Variants in CTSS observed in about 807,000 individuals in gnomAD.
CTSS encodes the protein cathepsin S.
In CTSS, 15 loss-of-function variants were observed where a neutral mutation model predicts 39.9. That is an observed-to-expected ratio of 0.38 (90% confidence interval 0.25 to 0.58). The LOEUF (loss-of-function observed/expected upper bound fraction) is 0.58, where lower values mean the gene tolerates loss of function less well. CTSS is among the 20% of genes least tolerant of loss of function. CTSS has a pLI of 0.70. For synonymous variants in CTSS, 126 were observed against 138.2 expected (o/e 0.91, Z 0.62); for missense variants, 250 against 398.2 (o/e 0.63, Z 3.17).
chr1:150,762,938 C>T lies in CTSS; in HGVS notation c.126+1700G>A, dbSNP rs77089247. On this transcript the variant is annotated intron_variant, in intron 2 of 7. Transcript: ENST00000368985. ...CTTCTGGGTATATGTCCCAAGGAAG[C>T]GCAATCAGTATGTCAATGAGATAGC... 7.2e-3 allele frequency among the ~76,000 whole-genome samples: 1,088 copies of T among 152,106 alleles called. 16 individuals carry two copies. The highest frequency in any genetic ancestry group is 0.022 in the African/African-American group (903 of 41,496).
intron 6 of CTSS, 61 bp from the exon 7 acceptor site, chr1:150,747,940 T>G: frequency 9.1e-7 from 1 of 1,097,814 alleles, no homozygotes; most frequent in Non-Finnish European, 1.4e-6. Flanking sequence ...AAGGGCATTT[T>G]AAAACGGTAT....
At chr1:150,750,279 C>A (rs748263522) in intron 5 of CTSS, 108 bp from the exon 6 acceptor site, 4 of 857,074 alleles carry the variant, frequency 4.7e-6, no homozygotes, top group African/African-American at 1.7e-5. Context: ...TTAACTTTTT[C>A]ATGTGTCTAA....
chr1:150,763,418 CAA>C (rs1391654808), intron 2 of CTSS, among the ~76,000 whole-genome samples: 1 of 151,950 alleles, frequency 6.6e-6, no homozygotes, highest in Admixed American at 6.6e-5. Flanking sequence ...TTTTATATGT[CAA>C]AATTACTGAA....
At chr1:150,741,361 C>T (rs1413846736) in intron 7 of CTSS, among the ~76,000 whole-genome samples, 1 of 151,718 alleles carries the variant, frequency 6.6e-6, no homozygotes, top group African/African-American at 2.4e-5. Context: ...AATATATATC[C>T]CAAGTATTTT....
intron 2 of CTSS, among the ~76,000 whole-genome samples, chr1:150,762,925 T>C (rs1458224700): frequency 6.6e-6 from 1 of 152,174 alleles, no homozygotes; most frequent in Admixed American, 6.5e-5. Context: ...TCTGGGTATA[T>C]GTCCCAAGGA....
chr1:150,754,673 C>T (rs1243902928), intron 4 of CTSS, among the ~76,000 whole-genome samples: 1 of 152,174 alleles, frequency 6.6e-6, no homozygotes, highest in South Asian at 2.1e-4. Context: ...GGTGATGCGC[C>T]TGCCTCAGCC....
At chr1:150,751,358 C>T (rs751020646) in intron 5 of CTSS, among the ~76,000 whole-genome samples, 25 of 152,074 alleles carry the variant, frequency 1.6e-4, no homozygotes, top group Non-Finnish European at 3.5e-4. Flanking sequence ...AGCGATTCTC[C>T]TGCTTCAGCC....
chr1:150,746,985 G>T (rs907010799), intron 7 of CTSS, among the ~76,000 whole-genome samples: 1 of 152,128 alleles, frequency 6.6e-6, no homozygotes, highest in Non-Finnish European at 1.5e-5. Context: ...ATGGATTTGA[G>T]GGTAAAGGGG....
chr1:150,732,999 A>T lies in CTSS; in HGVS notation c.*47T>A. 1 of 1,339,682 alleles carries T rather than the reference A, an allele frequency of 7.5e-7. No homozygotes were observed. The highest frequency in any genetic ancestry group is 1.1e-6 in the Non-Finnish European group (1 of 939,076). 83.0% of individuals were successfully genotyped at this position (1,339,682 alleles called of 1,614,324 possible). On this transcript the variant is annotated 3_prime_UTR_variant, in exon 8 of 8. Transcript: ENST00000368985. ...ATACAGCAGGAAAAATTAAGTTAAG[A>T]GAAAGTGCTTCATATTTCTTGATTT... is the stretch of plus-strand genomic sequence containing the variant.
intron 7 of CTSS, among the ~76,000 whole-genome samples, chr1:150,745,031 T>G (rs1652866690): frequency 6.6e-6 from 1 of 152,128 alleles, no homozygotes; most frequent in Non-Finnish European, 1.5e-5. Context: ...CCCAAGCTGA[T>G]CAGTGCTGTG....
At chr1:150,738,915 C>T (rs1652689267) in intron 7 of CTSS, among the ~76,000 whole-genome samples, 1 of 152,118 alleles carries the variant, frequency 6.6e-6, no homozygotes, top group Non-Finnish European at 1.5e-5. Context: ...TTACAATGGG[C>T]CAGGTGCGGT....
chr1:150,738,288 C>T (rs971206875), intron 7 of CTSS, among the ~76,000 whole-genome samples: 2 of 152,068 alleles, frequency 1.3e-5, no homozygotes, highest in Non-Finnish European at 2.9e-5. Context: ...TTTTATTGTG[C>T]TTTGCTTTAT....
At chr1:150,734,970 G>T (rs1409468526) in intron 7 of CTSS, among the ~76,000 whole-genome samples, 1 of 152,146 alleles carries the variant, frequency 6.6e-6, no homozygotes, top group Non-Finnish European at 1.5e-5. Context: ...ACAAATAAAA[G>T]TGTGAAATTG....
chr1:150,744,582 A>G (rs1162872735), intron 7 of CTSS, among the ~76,000 whole-genome samples: 2 of 123,368 alleles, frequency 1.6e-5, no homozygotes, highest in Admixed American at 2.0e-4. Flanking sequence ...ATAATATATT[A>G]TATATTATAT....
At chr1:150,743,561 GTA>G (rs1652814718) in intron 7 of CTSS, among the ~76,000 whole-genome samples, 2 of 121,880 alleles carry the variant, frequency 1.6e-5, no homozygotes, top group Non-Finnish European at 3.3e-5. Flanking sequence ...AGATTTATAT[GTA>G]TGTATACATA....
chr1:150,764,744 A>G lies in CTSS; in HGVS notation c.20T>C (p.Val7Ala), dbSNP rs41271951. Residue 7 changes from valine to alanine, a missense_variant, in exon 2 of 8, where the codon GTG (valine) becomes GCG (alanine). By Grantham distance (64) the Val-to-Ala change is moderately conservative. Transcript: ENST00000368985. ...CACTGCAGAGGAGCACACCAAGAGC[A>G]CACAAACCAGCCGTTTCATTCTGTG... MKRLVCVLLVCSSAVAQ... is the reference protein window; with the variant it reads MKRLVCALLVCSSAVAQ... 110,771 of 1,613,994 alleles carry G rather than the reference A, an allele frequency of 0.069. 4,371 individuals carry two copies. The highest frequency in any genetic ancestry group is 0.081 in the Non-Finnish European group (95,957 of 1,179,886).
At chr1:150,755,635 G>A (rs1437347711) in intron 3 of CTSS, among the ~76,000 whole-genome samples, 1 of 152,178 alleles carries the variant, frequency 6.6e-6, no homozygotes, top group Admixed American at 6.5e-5. Flanking sequence ...AGCTATTTGG[G>A]AGGCTGAGGC....
chr1:150,762,826 T>C (rs958004480), intron 2 of CTSS, among the ~76,000 whole-genome samples: 2 of 152,192 alleles, frequency 1.3e-5, no homozygotes, highest in Non-Finnish European at 2.9e-5. Context: ...TTAGTAGGAA[T>C]GTAAATTAGT....
chr1:150,743,247 A>T (rs1652805521), intron 7 of CTSS, among the ~76,000 whole-genome samples: 2 of 151,962 alleles, frequency 1.3e-5, no homozygotes. Flanking sequence ...CATTGAGAGC[A>T]ACTTTCCAAC....
Sources: gnomAD v4.1 joint callset for allele counts (sites outside exome capture counted in the v4.1 genomes callset) on GRCh38, gnomAD v4.1.1 for gene constraint, MANE v1.5 for transcripts, NCBI Gene and HGNC (gene_info 2026-07-23, HGNC 2026-07-21) for gene names.